Variants in RPL4 observed in about 807,000 individuals in gnomAD.
RPL4 encodes large ribosomal subunit protein uL4.
RPL4 carries 3 observed loss-of-function variants against 47.7 expected under a neutral mutation model. The observed-to-expected ratio is 0.06, with a 90% CI of 0.03 to 0.16. The LOEUF (loss-of-function observed/expected upper bound fraction) is 0.16, where lower values mean the gene tolerates loss of function less well. RPL4 is among the 10% of genes least tolerant of loss of function. The pLI, the probability that RPL4 is intolerant of heterozygous loss-of-function variation, is 1.00. For synonymous variants in RPL4, 208 were observed against 182.1 expected (o/e 1.14, Z -1.15); for missense variants, 413 against 551.3 (o/e 0.75, Z 2.51).
intron 9 of RPL4, 127 bp downstream of exon 9, chr15:66,499,929 A>G: frequency 4.1e-6 from 5 of 1,229,638 alleles, no homozygotes; most frequent in Non-Finnish European, 5.6e-6. Flanking sequence ...AGGCTGAGAC[A>G]GAAGAACTGC....
rs185971920 is a variant in RPL4 at position 66,504,852 on chromosome 15, G to A, written c.-62C>T. On this transcript the variant is annotated 5_prime_UTR_variant, in exon 1 of 10. Transcript: ENST00000307961. ...GGCTGCTGCCACAGGAAAAGGAAGT[G>A]CTTACCACTCCCGCTGTATATGTCA... The A allele has an allele frequency of 8.2e-5, 132 of 1,600,114 alleles. No individual in the cohort carries two copies. Among genetic ancestry groups the A allele is most frequent in the Middle Eastern group, 1.6e-4 (1 of 6,070 alleles).
chr15:66,499,259 G>A lies in RPL4; in HGVS notation c.*148C>T, dbSNP rs1191949951. ...ATAAAATGTAACAGTCTAAATTATGGCCAACAAAATGTCACTTTAAAAAAA... is the reference window on the plus strand; with the variant it reads ...ATAAAATGTAACAGTCTAAATTATGACCAACAAAATGTCACTTTAAAAAAA... On this transcript the variant is annotated 3_prime_UTR_variant, in exon 10 of 10. Coordinates refer to ENST00000307961, the MANE Select transcript of RPL4 (RefSeq NM_000968.4). 2 of 941,966 alleles carry A rather than the reference G, an allele frequency of 2.1e-6. No homozygotes were observed. The highest frequency in any genetic ancestry group is 2.4e-5 in the East Asian group (1 of 41,346). The allele number at this position is 941,966 out of a possible 1,614,324, so 58.4% of individuals were successfully genotyped here.
intron 4 of RPL4, chr15:66,502,189 C>G (rs949031212): frequency 1.3e-5 from 7 of 522,038 alleles, no homozygotes; most frequent in Non-Finnish European, 1.8e-5. Flanking sequence ...TCCCCAGTTA[C>G]GCTAGTATTC....
intron 6 of RPL4, 52 bp from the exon 7 acceptor site, chr15:66,501,157 C>A (rs765161186): frequency 3.7e-6 from 6 of 1,600,994 alleles, no homozygotes; most frequent in African/African-American, 1.3e-5. Context: ...AAAAGAAACA[C>A]AAATCATCTT....
intron 7 of RPL4, 148 bp downstream of exon 7, chr15:66,500,800 CA>C: frequency 1.0e-6 from 1 of 975,472 alleles, no homozygotes; most frequent in Non-Finnish European, 1.5e-6. Flanking sequence ...AACAAAAAAC[CA>C]AAAATATAGA....
chr15:66,503,202 T>C (rs753864188), intron 2 of RPL4, 38 bp from the exon 3 acceptor site: 9 of 1,602,332 alleles, frequency 5.6e-6, no homozygotes, highest in South Asian at 4.4e-5. Context: ...AGCTGCTTCA[T>C]CATACATACC....
Position 66,498,431 on chromosome 15 carries a change from G to A in RPL4, c.*976C>T, listed in dbSNP as rs888292204. ...AAGCTGACAGTTTAACAATCCAGAT[G>A]CAAAACAAGACTTTTGACACAGGAC... On this transcript the variant is annotated 3_prime_UTR_variant, in exon 10 of 10. Coordinates refer to ENST00000307961, the MANE Select transcript of RPL4 (RefSeq NM_000968.4). 1 of 152,202 alleles carries A rather than the reference G, an allele frequency of 6.6e-6. No individual in the cohort carries two copies. Among genetic ancestry groups the A allele is most frequent in the Non-Finnish European group, 1.5e-5 (1 of 68,044 alleles). The allele number at this position is 152,202 out of a possible 1,614,324, so 9.4% of individuals were successfully genotyped here. A position where few individuals can be genotyped will look rare whatever the true frequency, so the allele number is the denominator to read the frequency against.
In RPL4 at chr15:66,499,233, T is replaced by C. The variant is rs1893543597; in HGVS notation, c.*174A>G. ...CCATGCCCCATTTTATACCACACTATATAAAATGTAACAGTCTAAATTATG... is the reference window on the plus strand; with the variant it reads ...CCATGCCCCATTTTATACCACACTACATAAAATGTAACAGTCTAAATTATG... On this transcript the variant is annotated 3_prime_UTR_variant, in exon 10 of 10. Coordinates refer to ENST00000307961, the MANE Select transcript of RPL4 (RefSeq NM_000968.4). The C allele has an allele frequency of 1.5e-5, 11 of 715,766 alleles. No individual in the cohort carries two copies. Among genetic ancestry groups the C allele is most frequent in the Non-Finnish European group, 2.5e-5 (11 of 434,022 alleles). The allele number at this position is 715,766 out of a possible 1,614,324, so 44.3% of individuals were successfully genotyped here. A position where few individuals can be genotyped will look rare whatever the true frequency, so the allele number is the denominator to read the frequency against.
intron 1 of RPL4, among the ~76,000 whole-genome samples, chr15:66,503,929 G>A (rs938029162): frequency 2.0e-5 from 3 of 152,204 alleles, no homozygotes; most frequent in South Asian, 4.2e-4. Context: ...AAGCTCACCA[G>A]TGGAAAGACT....
At position 66,499,438 on chromosome 15, in the gene RPL4, G is replaced by T. The variant is rs567987203; in HGVS notation, c.1253C>A (p.Pro418His). Residue 418 changes from proline (P) to histidine (H), a missense_variant, in exon 10 of 10, where the codon CCT becomes CAT. By Grantham distance (77) the Pro-to-His change is moderately conservative. Coordinates refer to ENST00000307961, the MANE Select transcript of RPL4 (RefSeq NM_000968.4). ...AGCAGGCTTCTTCTCCTCTGTAGTA[G>T]GTTTCTTCTCTGCAGGCTTCTTTTC... ...APEKKPAEKK[P>H]TTEEKKPAA 6.2e-7 allele frequency: 1 copy of T among 1,611,740 alleles called. No individual in the cohort carries two copies. The highest frequency in any genetic ancestry group is 1.7e-5 in the Admixed American group (1 of 59,924).
At chr15:66,504,692 G>T in intron 1 of RPL4, 96 bp downstream of exon 1, 1 of 1,537,914 alleles carries the variant, frequency 6.5e-7, no homozygotes, top group South Asian at 1.2e-5. Flanking sequence ...CCCTCTCCTC[G>T]CTCTATCTCC....
At chr15:66,504,060 A>G (rs944934260) in intron 1 of RPL4, among the ~76,000 whole-genome samples, 1 of 152,158 alleles carries the variant, frequency 6.6e-6, no homozygotes. Flanking sequence ...ACTCTTCCAG[A>G]TATTTTTCGG....
chr15:66,499,178 T>C lies in RPL4; in HGVS notation c.*229A>G. ...ACAACTTTTTTTAAATCATTCCCCT[T>C]CCACTGAACTCCATGGACTTAGTAT... On this transcript the variant is annotated 3_prime_UTR_variant, in exon 10 of 10. Transcript: ENST00000307961. 2.2e-6 allele frequency: 1 copy of C among 455,264 alleles called. No homozygotes were observed. 28.2% of individuals were successfully genotyped at this position (455,264 alleles called of 1,614,324 possible). A position where few individuals can be genotyped will look rare whatever the true frequency, so the allele number is the denominator to read the frequency against.
In RPL4 at chr15:66,499,584, C is replaced by G; in HGVS notation, c.1107G>C (p.Ala369=). The G allele has an allele frequency of 6.2e-7, 1 of 1,613,946 alleles. No homozygotes were observed. Among genetic ancestry groups the G allele is most frequent in the Non-Finnish European group, 8.5e-7 (1 of 1,179,864 alleles). Reference sequence around the variant, plus strand: ...CCACAGGCTTCTTGCCTGCAACCGCCGCCTTCTCATCTGATTTGGCTTGTA... The same window carrying G: ...CCACAGGCTTCTTGCCTGCAACCGCGGCCTTCTCATCTGATTTGGCTTGTA... ...AALQAKSDEK[A]AVAGKKPVVG... The change falls in exon 10 of 10, where the codon GCG becomes GCC. Residue 369 remains alanine, a synonymous_variant. Coordinates refer to ENST00000307961, the MANE Select transcript of RPL4 (RefSeq NM_000968.4).
rs772347642 is a variant in RPL4, at chr15:66,504,818, T to C, written c.-28A>G. 4 of 1,610,102 alleles carry C rather than the reference T, an allele frequency of 2.5e-6. No individual in the cohort carries two copies. The highest frequency in any genetic ancestry group is 1.6e-4 in the Middle Eastern group (1 of 6,080). The stretch of plus-strand genomic sequence containing the variant: ...CGGAGAGAGGAGACAGCCACGCTCC[T>C]CTCAGCCCGGCTGCTGCCACAGGAA... On this transcript the variant is annotated 5_prime_UTR_variant, in exon 1 of 10. Coordinates refer to ENST00000307961, the MANE Select transcript of RPL4 (RefSeq NM_000968.4).
rs1893542271 is a variant in RPL4, at chr15:66,499,166, A to T, written c.*241T>A. ...ATTTAGAAAACCACAACTTTTTTTA[A>T]ATCATTCCCCTTCCACTGAACTCCA... On this transcript the variant is annotated 3_prime_UTR_variant, in exon 10 of 10. Coordinates refer to ENST00000307961, the MANE Select transcript of RPL4 (RefSeq NM_000968.4). 3 of 418,526 alleles carry T rather than the reference A, an allele frequency of 7.2e-6. No individual in the cohort carries two copies. The highest frequency in any genetic ancestry group is 6.8e-4 in the Middle Eastern group (1 of 1,476). 25.9% of individuals were successfully genotyped at this position (418,526 alleles called of 1,614,324 possible).
intron 3 of RPL4, 21 bp downstream of exon 3, chr15:66,503,037 A>G: frequency 6.2e-7 from 1 of 1,600,522 alleles, no homozygotes. Context: ...GACCAGTCTT[A>G]GGTAGTGAAA....
chr15:66,502,770 T>A lies in RPL4; in HGVS notation c.283-20A>T. ...ACACATCTATTTTTCCAGTCAAGAA[T>A]CACATTTCTCAAATTTTAGTAATTA... On this transcript the variant is annotated intron_variant, in intron 3 of 9. Transcript: ENST00000307961. 1 of 1,614,032 alleles carries A rather than the reference T, an allele frequency of 6.2e-7. No individual in the cohort carries two copies. The highest frequency in any genetic ancestry group is 1.1e-5 in the South Asian group (1 of 91,080).
intron 9 of RPL4, 33 bp from the exon 10 acceptor site, chr15:66,499,685 C>A: frequency 6.2e-7 from 1 of 1,611,186 alleles, no homozygotes; most frequent in South Asian, 1.1e-5. Flanking sequence ...CAGTAAGAAT[C>A]AAATCCCTGT....
Sources: allele counts gnomAD v4.1 joint callset (sites outside exome capture counted in the v4.1 genomes callset), GRCh38; gene constraint gnomAD v4.1.1; transcripts MANE v1.5; gene names NCBI Gene and HGNC (gene_info 2026-07-23, HGNC 2026-07-21).